The following CRISPLD2 variants were observed in gnomAD, a reference collection of about 807,000 sequenced individuals.
CRISPLD2 encodes cysteine rich secretory protein LCCL domain containing 2, also known as cysteine-rich secretory protein LCCL domain-containing 2.
In CRISPLD2, 47 loss-of-function variants were observed where a neutral mutation model predicts 71.1. That is an observed-to-expected ratio of 0.66 (90% CI 0.52 to 0.84). CRISPLD2 has a LOEUF of 0.84. Ranked by LOEUF, CRISPLD2 falls within the 40% of genes least tolerant of loss-of-function variation. The pLI, the probability that CRISPLD2 is intolerant of heterozygous loss-of-function variation, is 0.00. For missense variants in CRISPLD2, 830 were observed against 651.1 expected (o/e 1.27, Z -2.99); for synonymous variants, 317 against 250.1 (o/e 1.27, Z -2.52).
chr16:84,834,352 T>C lies in CRISPLD2; in HGVS notation c.-74-4070T>C, dbSNP rs544919667. On this transcript the variant is annotated intron_variant, in intron 1 of 14. Transcript: ENST00000262424. ...TTTGGAAAGAGTTTGTGTGTTTTCA[T>C]TGTCAATGGAAAAGGGGTGGAAGTG... 3.9e-5 allele frequency among the ~76,000 whole-genome samples: 6 copies of C among 152,344 alleles called. No individual in the cohort carries two copies. In the South Asian group the frequency reaches 1.2e-3, roughly 32 times the overall value.
At chr16:84,867,374 C>T (rs1033988501) in intron 7 of CRISPLD2, among the ~76,000 whole-genome samples, 1 of 152,160 alleles carries the variant, frequency 6.6e-6, no homozygotes, top group African/African-American at 2.4e-5. Flanking sequence ...CTGCAGAGGG[C>T]AGGCAGCGTC....
Position 84,866,960 on chromosome 16 carries a change from C to T in CRISPLD2, c.773C>T (p.Pro258Leu). Residue 258 changes from proline (P) to leucine (L), a missense_variant, in exon 7 of 15, where the codon CCT becomes CTT. Pro to Leu is a moderately conservative substitution (Grantham distance 98). Transcript: ENST00000262424. ...AATGAGGTGGAAACGGCTCCCATTCCTGAAGAAAACCATGTTTGGCTCCAA... is the reference window on the plus strand; with the variant it reads ...AATGAGGTGGAAACGGCTCCCATTCTTGAAGAAAACCATGTTTGGCTCCAA... Reference protein sequence around the residue: ...EMNEVETAPIPEENHVWLQPR... With the variant: ...EMNEVETAPILEENHVWLQPR... 3 of 1,614,054 alleles carry T rather than the reference C, an allele frequency of 1.9e-6. No individual in the cohort carries two copies. The highest frequency in any genetic ancestry group is 2.5e-6 in the Non-Finnish European group (3 of 1,179,992).
chr16:84,825,718 G>A (rs1916335265), intron 1 of CRISPLD2, among the ~76,000 whole-genome samples: 1 of 152,018 alleles, frequency 6.6e-6, no homozygotes, highest in South Asian at 2.1e-4. Context: ...ATCACACACT[G>A]CACTCCAGCC....
At chr16:84,834,439 A>C (rs1306494021) in intron 1 of CRISPLD2, among the ~76,000 whole-genome samples, 1 of 152,236 alleles carries the variant, frequency 6.6e-6, no homozygotes, top group East Asian at 1.9e-4. Flanking sequence ...AGTGTGGGCC[A>C]GGGCTGCCGG....
intron 5 of CRISPLD2, among the ~76,000 whole-genome samples, chr16:84,851,410 G>T (rs1436171076): frequency 6.6e-6 from 1 of 152,244 alleles, no homozygotes; most frequent in African/African-American, 2.4e-5. Flanking sequence ...TTGCATGCTG[G>T]CCGCTGGCCA....
At chr16:84,885,041 A>C (rs747957976) in intron 13 of CRISPLD2, among the ~76,000 whole-genome samples, 11 of 152,142 alleles carry the variant, frequency 7.2e-5, no homozygotes, top group Non-Finnish European at 1.3e-4. Flanking sequence ...TGGAGGTCTT[A>C]TTTCATCTTG....
rs1279216669 is a variant in CRISPLD2, at chr16:84,907,107, G to A, written c.*465G>A. The A allele has an allele frequency of 2.8e-5, 5 of 180,124 alleles. No individual in the cohort carries two copies. In the East Asian group the frequency reaches 8.3e-4, roughly 30 times the overall value. 11.2% of individuals were successfully genotyped at this position (180,124 alleles called of 1,614,324 possible). ...AGTTTCAGGAATGAAGTAGAAGGTA[G>A]TTATTTAAAAATAAAAAACACAGTC... On this transcript the variant is annotated 3_prime_UTR_variant, in exon 15 of 15. Coordinates refer to ENST00000262424, the MANE Select transcript of CRISPLD2 (RefSeq NM_031476.4).
intron 6 of CRISPLD2, among the ~76,000 whole-genome samples, chr16:84,862,243 C>A (rs530412431): frequency 6.6e-6 from 1 of 152,056 alleles, no homozygotes; most frequent in African/African-American, 2.4e-5. Flanking sequence ...CCCTTTGTTG[C>A]CCAGGCTGGA....
At chr16:84,890,742 C>T (rs1056809992) in intron 14 of CRISPLD2, among the ~76,000 whole-genome samples, 2 of 151,924 alleles carry the variant, frequency 1.3e-5, no homozygotes, top group African/African-American at 2.4e-5. Flanking sequence ...CTGTAGTGAG[C>T]CGGGATTGTG....
chr16:84,871,397 G>A lies in CRISPLD2; in HGVS notation c.915-1045G>A, dbSNP rs1033707896. 2.0e-5 allele frequency among the ~76,000 whole-genome samples: 3 copies of A among 152,044 alleles called. No individual in the cohort carries two copies. The East Asian group carries it at 5.8e-4, about 29-fold the overall frequency. On this transcript the variant is annotated intron_variant, in intron 8 of 14. Transcript: ENST00000262424. ...ATGGCAAAACCCCCAAAATTAGTTG[G>A]GTGTGGTTGTGCACACCTGTAGTCC... is the stretch of plus-strand genomic sequence containing the variant.
intron 6 of CRISPLD2, among the ~76,000 whole-genome samples, chr16:84,855,248 G>C (rs1204749453): frequency 1.3e-5 from 2 of 152,052 alleles, no homozygotes; most frequent in Admixed American, 6.6e-5. Flanking sequence ...CATGTATTAG[G>C]GTTCTCTAGA....
intron 1 of CRISPLD2, 70 bp from the exon 2 acceptor site, chr16:84,838,352 C>G: frequency 1.0e-6 from 1 of 995,994 alleles, no homozygotes; most frequent in Non-Finnish European, 1.5e-6. Context: ...GCTGCGTTCG[C>G]TGCTCCAGCC....
chr16:84,901,008 T>C (rs952280363), intron 14 of CRISPLD2, among the ~76,000 whole-genome samples: 4 of 135,222 alleles, frequency 3.0e-5, no homozygotes, highest in Admixed American at 7.7e-5. Flanking sequence ...CATGATGGTG[T>C]CACTGCACAC....
At chr16:84,846,731 G>T (rs571962080) in intron 3 of CRISPLD2, among the ~76,000 whole-genome samples, 1 of 152,150 alleles carries the variant, frequency 6.6e-6, no homozygotes, top group African/African-American at 2.4e-5. Context: ...TCATCCAGCC[G>T]TCGGGAAGCT....
At chr16:84,872,174 A>G (rs2071476623) in intron 8 of CRISPLD2, among the ~76,000 whole-genome samples, 1 of 152,208 alleles carries the variant, frequency 6.6e-6, no homozygotes, top group Non-Finnish European at 1.5e-5. Context: ...GACACTTTAC[A>G]TAAGGGACTC....
chr16:84,838,003 C>T (rs538883872), intron 1 of CRISPLD2, among the ~76,000 whole-genome samples: 5 of 152,198 alleles, frequency 3.3e-5, no homozygotes, highest in Non-Finnish European at 7.3e-5. Context: ...GAAGTTTGCT[C>T]TCAACGTTGG....
rs192065285 is a variant in CRISPLD2 at position 84,902,088 on chromosome 16, C to T, written c.1440-4500C>T. On this transcript the variant is annotated intron_variant, in intron 14 of 14. Transcript: ENST00000262424. The stretch of plus-strand genomic sequence containing the variant: ...TGCTGGGATGACAGGCGTGAGCCAC[C>T]GCGCCTGGCCCTGGTTGCACACTGT... 8.0e-3 allele frequency among the ~76,000 whole-genome samples: 1,213 copies of T among 150,996 alleles called. 11 individuals are homozygous for T. Among genetic ancestry groups the T allele is most frequent in the South Asian group, 0.035 (164 of 4,690 alleles).
At chr16:84,874,942 T>G (rs1187969006) in intron 11 of CRISPLD2, among the ~76,000 whole-genome samples, 5 of 152,188 alleles carry the variant, frequency 3.3e-5, no homozygotes, top group Non-Finnish European at 7.3e-5. Context: ...AATTTTTTTC[T>G]TAAATAATTA....
intron 1 of CRISPLD2, among the ~76,000 whole-genome samples, chr16:84,834,483 G>T (rs1202275611): frequency 6.6e-6 from 1 of 152,238 alleles, no homozygotes; most frequent in East Asian, 1.9e-4. Context: ...TCGGCCAATT[G>T]GTTTGTGGCT....
Sources: allele counts gnomAD v4.1 joint callset (sites outside exome capture counted in the v4.1 genomes callset), GRCh38; gene constraint gnomAD v4.1.1; transcripts MANE v1.5; gene names NCBI Gene and HGNC (gene_info 2026-07-23, HGNC 2026-07-21).